The following ZFP91 variants were observed in gnomAD, a reference collection of about 807,000 sequenced individuals.
ZFP91 encodes the protein E3 ubiquitin-protein ligase ZFP91.
In ZFP91, 7 loss-of-function variants were observed where a neutral mutation model predicts 63.5. The observed-to-expected ratio is 0.11, with a 90% confidence interval of 0.06 to 0.21. ZFP91 has a LOEUF of 0.21. Ranked by LOEUF, ZFP91 falls within the 10% of genes least tolerant of loss-of-function variation. ZFP91 has a pLI of 1.00. For synonymous variants in ZFP91, 330 were observed against 272.1 expected (o/e 1.21, Z -2.10); for missense variants, 628 against 736.6 (o/e 0.85, Z 1.71).
chr11:58,611,358 T>A (rs557262969), intron 5 of ZFP91: 171 of 519,058 alleles, frequency 3.3e-4, no homozygotes, highest in African/African-American at 3.1e-3. Context: ...TCGTTTCTCT[T>A]TACAATTATA....
chr11:58,579,725 G>C (rs1855067142), intron 1 of ZFP91, 103 bp downstream of exon 1: 3 of 1,150,130 alleles, frequency 2.6e-6, no homozygotes, highest in South Asian at 3.5e-5. Context: ...TGCCTGGTCT[G>C]CCCCCTGCCG....
intron 2 of ZFP91, among the ~76,000 whole-genome samples, chr11:58,589,160 C>T (rs1466313542): frequency 6.6e-6 from 1 of 152,072 alleles, no homozygotes; most frequent in Non-Finnish European, 1.5e-5. Flanking sequence ...CAGTGTTGAT[C>T]TCCTGGGCTC....
intron 2 of ZFP91, among the ~76,000 whole-genome samples, chr11:58,598,371 G>C (rs549020877): frequency 1.3e-5 from 2 of 152,102 alleles, no homozygotes; most frequent in African/African-American, 4.8e-5. Flanking sequence ...TTTTCAAATT[G>C]TCACAAATCT....
intron 2 of ZFP91, among the ~76,000 whole-genome samples, chr11:58,602,974 T>A (rs1015640998): frequency 2.6e-5 from 4 of 151,966 alleles, no homozygotes; most frequent in African/African-American, 9.7e-5. Context: ...AGTGAAACTC[T>A]GTCTCAAAAA....
In ZFP91 at chr11:58,579,228, G is replaced by GCCGCCTCCGCCT. The variant is rs1407111322; in HGVS notation, c.-48_-37dup. 5 of 1,346,248 alleles carry GCCGCCTCCGCCT rather than the reference G, an allele frequency of 3.7e-6. No individual in the cohort carries two copies. Among genetic ancestry groups the GCCGCCTCCGCCT allele is most frequent in the Non-Finnish European group, 4.8e-6 (5 of 1,051,244 alleles). The allele number at this position is 1,346,248 out of a possible 1,614,324, so 83.4% of individuals were successfully genotyped here. On this transcript the variant is annotated 5_prime_UTR_variant, in exon 1 of 11. Coordinates refer to ENST00000316059, the MANE Select transcript of ZFP91 (RefSeq NM_053023.5). ...GGGCGGGGGGAGCAGCGCCGAGGCC[G>GCCGCCTCCGCCT]CCGCCTCCGCCTCCGCCGCCTAGGA...
At position 58,579,450 on chromosome 11, in the gene ZFP91, G is replaced by A. The variant is rs1855047586; in HGVS notation, c.169G>A (p.Gly57Ser). Residue 57 changes from glycine to serine, a missense_variant, in exon 1 of 11, where the codon GGC becomes AGC. Physicochemically the swap from Gly to Ser is moderately conservative, Grantham distance 56. Around this residue, in one of 3 missense-constraint regions of ZFP91, gnomAD observed 437 missense variants for 380.3 expected, o/e 1.15. Transcript: ENST00000316059. ...SRVLRGGRDR[G>S]RAAAAAAAAA... ...CGTGCTGAGGGGAGGTCGGGACCGA[G>A]GCCGGGCCGCTGCGGCCGCCGCCGC... The A allele has an allele frequency of 2.8e-6, 4 of 1,451,354 alleles. No individual in the cohort carries two copies. The highest frequency in any genetic ancestry group is 3.6e-6 in the Non-Finnish European group (4 of 1,111,126). 89.9% of individuals were successfully genotyped at this position (1,451,354 alleles called of 1,614,324 possible). A position where few individuals can be genotyped will look rare whatever the true frequency, so the allele number is the denominator to read the frequency against.
chr11:58,610,138 A>T, intron 3 of ZFP91, 99 bp downstream of exon 3: 1 of 1,470,204 alleles, frequency 6.8e-7, no homozygotes. Flanking sequence ...TGTCAGGGGC[A>T]GGTTTGATGG....
Position 58,617,384 on chromosome 11 carries a change from C to T in ZFP91, c.1391C>T (p.Ala464Val). ...PEVLIAEALA[A>V]NAGALITSTD... The stretch of plus-strand genomic sequence containing the variant: ...GTGCTGATTGCAGAAGCTCTGGCTG[C>T]CAATGCAGGCGCCCTCATCACCAGC... Residue 464 changes from alanine (A) to valine (V), a missense_variant, in exon 11 of 11, where the codon GCC (alanine) becomes GTC (valine). By Grantham distance (64) the Ala-to-Val change is moderately conservative. Around this residue, in one of 3 missense-constraint regions of ZFP91, gnomAD observed 76 missense variants for 230.9 expected, o/e 0.33. Transcript: ENST00000316059. This position sits in a 1 kb window ranked among gnomAD's most constrained non-coding sequence, Gnocchi z 4.2. 1 of 1,613,602 alleles carries T rather than the reference C, an allele frequency of 6.2e-7. No individual in the cohort carries two copies. Among genetic ancestry groups the T allele is most frequent in the Non-Finnish European group, 8.5e-7 (1 of 1,179,758 alleles).
At chr11:58,592,469 A>G (rs1340272473) in intron 2 of ZFP91, among the ~76,000 whole-genome samples, 3 of 152,138 alleles carry the variant, frequency 2.0e-5, no homozygotes, top group Non-Finnish European at 2.9e-5. Flanking sequence ...TTTGACCAGA[A>G]TGTTCTAAGG....
At chr11:58,611,506 T>G (rs1855661836) in intron 5 of ZFP91, 98 bp from the exon 6 acceptor site, 8 of 1,447,506 alleles carry the variant, frequency 5.5e-6, no homozygotes, top group Non-Finnish European at 7.4e-6. Context: ...GAAGGTAGTT[T>G]TATAACAAAT....
Position 58,618,699 on chromosome 11 carries a change from G to A in ZFP91, c.*993G>A, listed in dbSNP as rs1226547086. ...GAAGGCAAGACATAGGGTTGAAGAA[G>A]CACAGCCAGCCTCTGAAATCATAGC... On this transcript the variant is annotated 3_prime_UTR_variant, in exon 11 of 11. Transcript: ENST00000316059. The A allele has an allele frequency of 4.4e-6, 2 of 456,856 alleles. No homozygotes were observed. The highest frequency in any genetic ancestry group is 8.8e-6 in the Non-Finnish European group (2 of 226,970). The allele number at this position is 456,856 out of a possible 1,614,324, so 28.3% of individuals were successfully genotyped here.
chr11:58,611,647 GAGA>G lies in ZFP91; in HGVS notation c.769_771del (p.Lys257del), dbSNP rs1333156755. 6.2e-7 allele frequency: 1 copy of G among 1,612,958 alleles called. No individual in the cohort carries two copies. Among genetic ancestry groups the G allele is most frequent in the Non-Finnish European group, 8.5e-7 (1 of 1,179,326 alleles). On this transcript the variant is annotated inframe_deletion, in exon 6 of 11. Transcript: ENST00000316059. ...GAGAAAATCAGGGAAGGTAAAAGAA[GAGA>G]AGGAGAAGAAGGAAATTAAAGTGGA...
At chr11:58,591,138 A>T (rs1311690461) in intron 2 of ZFP91, among the ~76,000 whole-genome samples, 1 of 152,204 alleles carries the variant, frequency 6.6e-6, no homozygotes, top group African/African-American at 2.4e-5. Context: ...TGCTCCTTCA[A>T]GTCAACCGCC....
chr11:58,609,689 A>T, intron 2 of ZFP91, 141 bp from the exon 3 acceptor site: 1 of 739,892 alleles, frequency 1.4e-6, no homozygotes, highest in Non-Finnish European at 2.2e-6. Context: ...TCCTTTTTTT[A>T]TTATTTCAAT....
In ZFP91 at chr11:58,611,694, A is replaced by G; in HGVS notation, c.813A>G (p.Lys271=). Residue 271 remains lysine, a synonymous_variant, in exon 6 of 11, where the codon AAA becomes AAG. Transcript: ENST00000316059. ...AAGTGGAAGTAGAGGTGGAGGTGAA[A>G]GAAGAGGAGAATGAAATTAGAGAGG... The part of the protein sequence containing the change: ...EIKVEVEVEV[K]EEENEIREDE... 6.2e-7 allele frequency: 1 copy of G among 1,612,476 alleles called. No homozygotes were observed. Among genetic ancestry groups the G allele is most frequent in the South Asian group, 1.1e-5 (1 of 90,916 alleles).
At chr11:58,586,214 G>C (rs1472349886) in intron 2 of ZFP91, among the ~76,000 whole-genome samples, 1 of 152,200 alleles carries the variant, frequency 6.6e-6, no homozygotes, top group Non-Finnish European at 1.5e-5. Context: ...ACCTGCTTTT[G>C]TCAGAGCTGA....
chr11:58,617,092 G>A lies in ZFP91; in HGVS notation c.1203-104G>A, dbSNP rs563283052. Reference sequence around the variant, plus strand: ...TTATTGTGTGTGTGTGTGTGTGTGTGTGTGTGTATGTATATATATGCTCTA... The same window carrying A: ...TTATTGTGTGTGTGTGTGTGTGTGTATGTGTGTATGTATATATATGCTCTA... On this transcript the variant is annotated intron_variant, in intron 10 of 10. Transcript: ENST00000316059. The surrounding 1 kb of genome is among the most constrained non-coding windows in gnomAD (Gnocchi z 4.2). 3 of 983,772 alleles carry A rather than the reference G, an allele frequency of 3.0e-6. No individual in the cohort carries two copies. The highest frequency in any genetic ancestry group is 4.9e-5 in the East Asian group (2 of 40,464). The allele number at this position is 983,772 out of a possible 1,614,324, so 60.9% of individuals were successfully genotyped here. A position where few individuals can be genotyped will look rare whatever the true frequency, so the allele number is the denominator to read the frequency against.
At chr11:58,580,263 A>G (rs1855090357) in intron 1 of ZFP91, among the ~76,000 whole-genome samples, 1 of 152,134 alleles carries the variant, frequency 6.6e-6, no homozygotes. Flanking sequence ...TAAGTAGCAT[A>G]TGTTTTATCT....
chr11:58,617,686 T>A lies in ZFP91; in HGVS notation c.1693T>A (p.Ser565Thr). Residue 565 changes from serine (S) to threonine (T), a missense_variant, in exon 11 of 11, where the codon TCA (serine) becomes ACA (threonine). By Grantham distance (58) the Ser-to-Thr change is moderately conservative. Coordinates refer to ENST00000316059, the MANE Select transcript of ZFP91 (RefSeq NM_053023.5). This position sits in a 1 kb window ranked among gnomAD's most constrained non-coding sequence, Gnocchi z 4.2. ...TACCACAGAGGTTCTGATTGAAGATTCAGACTCTGCCGGACCTTAGTGGAC... is the reference window on the plus strand; with the variant it reads ...TACCACAGAGGTTCTGATTGAAGATACAGACTCTGCCGGACCTTAGTGGAC... ...GATTEVLIED[S>T]DSAGP 1 of 1,516,352 alleles carries A rather than the reference T, an allele frequency of 6.6e-7. No homozygotes were observed. The highest frequency in any genetic ancestry group is 1.3e-5 in the South Asian group (1 of 74,664). The allele number at this position is 1,516,352 out of a possible 1,614,324, so 93.9% of individuals were successfully genotyped here.
Sources: allele counts gnomAD v4.1 joint callset (sites outside exome capture counted in the v4.1 genomes callset), GRCh38; gene constraint gnomAD v4.1.1; regional missense constraint gnomAD v4.1.1; non-coding constraint Gnocchi (gnomAD v3.1); transcripts MANE v1.5; gene names NCBI Gene and HGNC (gene_info 2026-07-23, HGNC 2026-07-21).